Variants in LRSAM1 observed in about 807,000 individuals in gnomAD.
LRSAM1 encodes the protein leucine rich repeat and sterile alpha motif containing 1, also known as E3 ubiquitin-protein ligase LRSAM1.
A neutral mutation model predicts 118.1 loss-of-function variants in LRSAM1; 96 were observed. The ratio of observed to expected loss-of-function variants is 0.81; its 90% confidence interval spans 0.69 to 0.96. LRSAM1 has a LOEUF of 0.96. LRSAM1 is among the 40% of genes least tolerant of loss of function. LRSAM1 has a pLI of 0.00. For missense variants in LRSAM1, 804 were observed against 915.5 expected (o/e 0.88, Z 1.57); for synonymous variants, 322 against 364.2 (o/e 0.88, Z 1.32).
chr9:127,489,621 C>T (rs1021522076), intron 19 of LRSAM1, 103 bp downstream of exon 19: 6 of 1,281,656 alleles, frequency 4.7e-6, no homozygotes, highest in Admixed American at 4.0e-5. Context: ...ACCCCAGCTC[C>T]TTGGCTTGCT....
chr9:127,488,541 C>T (rs1010671349), intron 18 of LRSAM1, among the ~76,000 whole-genome samples: 11 of 152,144 alleles, frequency 7.2e-5, no homozygotes, highest in Middle Eastern at 3.4e-3. Context: ...GATTTACAGG[C>T]ATCAGACACC....
chr9:127,471,201 G>A lies in LRSAM1; in HGVS notation c.620-2600G>A, dbSNP rs567705471. On this transcript the variant is annotated intron_variant, in intron 10 of 25. Transcript: ENST00000300417. ...TTTTCTTTAAAAAGATTTTGGGGCC[G>A]AACAAGGTGGCTCACGCCTGTAATC... Among the ~76,000 whole-genome samples the A allele has an allele frequency of 6.6e-5, 10 of 152,112 alleles. No homozygotes were observed. In the South Asian group the frequency reaches 1.7e-3, roughly 25 times the overall value.
At chr9:127,468,119 A>G (rs1835029144) in intron 10 of LRSAM1, among the ~76,000 whole-genome samples, 1 of 152,214 alleles carries the variant, frequency 6.6e-6, no homozygotes, top group African/African-American at 2.4e-5. Context: ...GTTAAGATCT[A>G]GAAAAAGCAG....
intron 17 of LRSAM1, among the ~76,000 whole-genome samples, chr9:127,487,111 G>A (rs1554758671): frequency 1.3e-5 from 2 of 151,274 alleles, no homozygotes; most frequent in Non-Finnish European, 2.9e-5. Context: ...TTGAACCTGG[G>A]AAGTGGAGGT....
chr9:127,479,962 C>T lies in LRSAM1; in HGVS notation c.1027C>T (p.Leu343=), dbSNP rs369353985. ...QNISSRIQKL[L]QDNQRQKKSS... ...CATTTCCAGCCGGATCCAGAAGCTG[C>T]TGCAGGACAATCAGAGGTTGGGCTC... is the stretch of plus-strand genomic sequence containing the variant. Residue 343 remains leucine, a synonymous_variant, in exon 14 of 26, where the codon CTG becomes TTG. Transcript: ENST00000300417. 7.9e-5 allele frequency: 128 copies of T among 1,614,122 alleles called. 1 individual carries two copies. Among genetic ancestry groups the T allele is most frequent in the Non-Finnish European group, 9.9e-5 (117 of 1,180,058 alleles).
chr9:127,496,829 C>T (rs1237325149), intron 23 of LRSAM1, among the ~76,000 whole-genome samples: 1 of 152,242 alleles, frequency 6.6e-6, no homozygotes, highest in Non-Finnish European at 1.5e-5. Flanking sequence ...GGCCATGCCG[C>T]TCAGGCTCTG....
In LRSAM1 at chr9:127,496,015, G is replaced by A; in HGVS notation, c.1750G>A (p.Glu584Lys). The part of the protein sequence containing the change: ...LVALLEELSA[E>K]HYLPIFAHHR... ...GGCCCTCCTGGAGGAGCTGTCGGCT[G>A]AGCACTACCTGCCCATCTTTGCGCA... Residue 584 changes from glutamate (E) to lysine (K), a missense_variant, in exon 23 of 26, where the codon GAG becomes AAG. Glu to Lys is a moderately conservative substitution (Grantham distance 56). Coordinates refer to ENST00000300417, the MANE Select transcript of LRSAM1 (RefSeq NM_001005373.4). The A allele has an allele frequency of 6.2e-7, 1 of 1,612,808 alleles. No homozygotes were observed. Among genetic ancestry groups the A allele is most frequent in the Non-Finnish European group, 8.5e-7 (1 of 1,179,974 alleles).
At chr9:127,487,534 C>A (rs1835776067) in intron 17 of LRSAM1, 142 bp from the exon 18 acceptor site, 3 of 733,434 alleles carry the variant, frequency 4.1e-6, no homozygotes, top group Non-Finnish European at 4.7e-6. Context: ...GTGGCCCACC[C>A]AGGGCCCGGC....
chr9:127,494,163 C>A (rs1408261617), intron 21 of LRSAM1, among the ~76,000 whole-genome samples: 5 of 152,264 alleles, frequency 3.3e-5, no homozygotes. Flanking sequence ...AGAACACAGC[C>A]CATCCGGCTC....
chr9:127,497,184 C>T, intron 23 of LRSAM1, 69 bp from the exon 24 acceptor site: 1 of 1,506,378 alleles, frequency 6.6e-7, no homozygotes, highest in Non-Finnish European at 9.2e-7. Context: ...TGGGCCTGTG[C>T]CACGTGGCTC....
chr9:127,466,818 G>A (rs1181968641), intron 9 of LRSAM1, among the ~76,000 whole-genome samples: 3 of 151,830 alleles, frequency 2.0e-5, no homozygotes, highest in Non-Finnish European at 4.4e-5. Context: ...ACTAGCCTGG[G>A]TAACATAGTA....
rs750319510 is a variant in LRSAM1 at position 127,491,278 on chromosome 9, GAC to G, written c.1490_1491del (p.Thr497ArgfsTer44). 1.9e-6 allele frequency: 3 copies of G among 1,613,742 alleles called. No individual in the cohort carries two copies. The highest frequency in any genetic ancestry group is 2.2e-5 in the East Asian group (1 of 44,876). ...TQLELKRKSL[D>X]TESLQEMISE... ...GCTGGAGTTAAAGAGGAAGTCCCTGGACACAGAGTCACTCCAGGTATGTAGGG... is the reference window on the plus strand; with the variant it reads ...GCTGGAGTTAAAGAGGAAGTCCCTGGACAGAGTCACTCCAGGTATGTAGGG... On this transcript the variant is annotated frameshift_variant, in exon 20 of 26. Transcript: ENST00000300417. LOFTEE classifies it high-confidence loss of function.
At position 127,503,056 on chromosome 9, in the gene LRSAM1, C is replaced by A; in HGVS notation, c.*157C>A. The A allele has an allele frequency of 1.0e-6, 1 of 979,104 alleles. No homozygotes were observed. Among genetic ancestry groups the A allele is most frequent in the Non-Finnish European group, 1.5e-6 (1 of 654,494 alleles). 60.7% of individuals were successfully genotyped at this position (979,104 alleles called of 1,614,324 possible). ...AGGAGCCCCCATCCTAAGCTCCAAG[C>A]ATGTCTGGGCCAGGCAGAGGTGCTC... On this transcript the variant is annotated 3_prime_UTR_variant, in exon 26 of 26. Transcript: ENST00000300417.
intron 9 of LRSAM1, among the ~76,000 whole-genome samples, chr9:127,463,097 G>A (rs1220901274): frequency 6.6e-6 from 1 of 151,644 alleles, no homozygotes; most frequent in Non-Finnish European, 1.5e-5. Context: ...CTCGGGGGAG[G>A]CTGAGACAGG....
intron 2 of LRSAM1, among the ~76,000 whole-genome samples, chr9:127,454,232 G>A (rs1300020264): frequency 1.3e-5 from 2 of 151,426 alleles, no homozygotes; most frequent in Non-Finnish European, 2.9e-5. Context: ...CTGGAAAGTC[G>A]CAGCCTCTGC....
chr9:127,459,047 T>C lies in LRSAM1; in HGVS notation c.297T>C (p.Asp99=). Residue 99 remains aspartate (D), a synonymous_variant, in exon 7 of 26, where the codon GAT becomes GAC. Transcript: ENST00000300417. ...HDNQLTALPD[D]LGQLTALQVL... is the part of the protein sequence containing the mutation. ...ATCAGCTGACAGCCCTTCCTGACGA[T>C]CTGGGGCAGCTGACTGCCCTCCAGG... 6.2e-7 allele frequency: 1 copy of C among 1,613,802 alleles called. No individual in the cohort carries two copies. Among genetic ancestry groups the C allele is most frequent in the South Asian group, 1.1e-5 (1 of 91,076 alleles).
rs749192098 is a variant in LRSAM1 at position 127,491,290 on chromosome 9, C to T, written c.1498C>T (p.Leu500Phe). The T allele has an allele frequency of 5.3e-5, 86 of 1,613,094 alleles. No homozygotes were observed. Among genetic ancestry groups the T allele is most frequent in the Non-Finnish European group, 6.6e-5 (78 of 1,179,512 alleles). The change falls in exon 20 of 26, where the codon CTC becomes TTC. Residue 500 changes from leucine to phenylalanine, a missense_variant. Leu to Phe is a conservative substitution (Grantham distance 22). Transcript: ENST00000300417. Reference protein sequence around the residue: ...LKRKSLDTESLQEMISEQRWA... With the variant: ...LKRKSLDTESFQEMISEQRWA... ...GAGGAAGTCCCTGGACACAGAGTCA[C>T]TCCAGGTATGTAGGGCTCCCTGCCC... is the stretch of plus-strand genomic sequence containing the variant.
intron 4 of LRSAM1, 112 bp from the exon 5 acceptor site, chr9:127,455,464 G>A (rs923587436): frequency 3.2e-5 from 35 of 1,100,664 alleles, no homozygotes; most frequent in African/African-American, 1.5e-4. Context: ...CTGCTGTGGC[G>A]TTTTGCCCTT....
intron 11 of LRSAM1, among the ~76,000 whole-genome samples, chr9:127,475,801 T>G (rs56288234): frequency 6.6e-6 from 1 of 151,200 alleles, no homozygotes; most frequent in Non-Finnish European, 1.5e-5. Context: ...AGTGCAGTGG[T>G]GCAATCTTGG....
Sources: allele counts gnomAD v4.1 joint callset (sites outside exome capture counted in the v4.1 genomes callset), GRCh38; gene constraint gnomAD v4.1.1; transcripts MANE v1.5; gene names NCBI Gene and HGNC (gene_info 2026-07-23, HGNC 2026-07-21).